Variants in GPC1 observed in about 807,000 individuals in gnomAD.
GPC1 encodes glypican-1.
In GPC1, 26 loss-of-function variants were observed where a neutral mutation model predicts 51.5. The ratio of observed to expected loss-of-function variants is 0.50; its 90% CI spans 0.37 to 0.70. The LOEUF (loss-of-function observed/expected upper bound fraction) is 0.70, where lower values mean the gene tolerates loss of function less well. Ranked by LOEUF, GPC1 falls within the 30% of genes least tolerant of loss-of-function variation. The pLI is 0.00. For synonymous variants in GPC1, 380 were observed against 348.3 expected, an observed-to-expected ratio of 1.09 and a Z score of -1.01; for missense variants, 775 against 800.5, an observed-to-expected ratio of 0.97 and a Z score of 0.38.
chr2:240,462,656 C>A, intron 3 of GPC1, 74 bp downstream of exon 3: 1 of 1,369,004 alleles, frequency 7.3e-7, no homozygotes, highest in Non-Finnish European at 9.8e-7. Flanking sequence ...TTCCTCTTCC[C>A]CCTACTTTAA....
intron 1 of GPC1, chr2:240,450,410 C>G: frequency 2.8e-6 from 1 of 354,298 alleles, no homozygotes; most frequent in South Asian, 2.1e-5. Flanking sequence ...AAGGCTGTTC[C>G]TCGTGCTGGG....
chr2:240,463,978 A>G (rs866288205), intron 4 of GPC1: 8 of 216,250 alleles, frequency 3.7e-5, no homozygotes, highest in South Asian at 1.7e-4. Context: ...GCTGACCCGC[A>G]TCAATGCCAA....
At chr2:240,436,425 T>A (rs2073984779) in intron 1 of GPC1, among the ~76,000 whole-genome samples, 1 of 152,016 alleles carries the variant, frequency 6.6e-6, no homozygotes, top group Non-Finnish European at 1.5e-5. Context: ...GCTGGGCGTC[T>A]TCTGCCCGCC....
chr2:240,459,260 G>A (rs2074197023), intron 2 of GPC1, 72 bp downstream of exon 2: 2 of 1,408,900 alleles, frequency 1.4e-6, no homozygotes, highest in Non-Finnish European at 2.0e-6. Context: ...ACTGGGCCTT[G>A]CCTGGTGTGT....
At chr2:240,450,758 C>A (rs547980929) in intron 1 of GPC1, 1 of 470,002 alleles carries the variant, frequency 2.1e-6, no homozygotes, top group Non-Finnish European at 4.4e-6. Flanking sequence ...AGATTCCCCC[C>A]GACATCATTT....
At chr2:240,451,638 A>C in intron 1 of GPC1, 1 of 222,222 alleles carries the variant, frequency 4.5e-6, no homozygotes. Flanking sequence ...CAGCCAAGAC[A>C]CCGGGTCCTG....
intron 2 of GPC1, 115 bp from the exon 3 acceptor site, chr2:240,462,076 G>A (rs549407357): frequency 3.5e-5 from 37 of 1,047,810 alleles, no homozygotes; most frequent in African/African-American, 4.8e-5. Context: ...GTCCGACTCC[G>A]AGGTCCTCAG....
chr2:240,436,117 C>T, intron 1 of GPC1, 33 bp downstream of exon 1: 1 of 1,244,360 alleles, frequency 8.0e-7, no homozygotes. Context: ...GAACCCGGGC[C>T]TGGCCGGGCT....
intron 1 of GPC1, among the ~76,000 whole-genome samples, 168 bp downstream of exon 1, chr2:240,436,252 G>A (rs1450884036): frequency 6.6e-6 from 1 of 151,916 alleles, no homozygotes; most frequent in East Asian, 1.9e-4. Context: ...CAACCCCACG[G>A]CCCTCGCCTC....
intron 7 of GPC1, 25 bp from the exon 8 acceptor site, chr2:240,465,448 T>A: frequency 1.9e-6 from 3 of 1,609,762 alleles, no homozygotes; most frequent in Non-Finnish European, 2.5e-6. Flanking sequence ...AGCAGTGACC[T>A]GGGCTCTGCC....
intron 1 of GPC1, among the ~76,000 whole-genome samples, chr2:240,446,064 C>T (rs2074048357): frequency 6.6e-6 from 1 of 152,250 alleles, no homozygotes; most frequent in South Asian, 2.1e-4. Flanking sequence ...GGCAACGGGG[C>T]CCACGGCACA....
At position 240,466,725 on chromosome 2, in the gene GPC1, C is replaced by T. The variant is rs533104723; in HGVS notation, c.*435C>T. Reference sequence around the variant, plus strand: ...GAGCCCACCAGCCAGCCCTGGCCCACCCCCCAGCCTCCAGAGAAGCCCCGC... The same window carrying T: ...GAGCCCACCAGCCAGCCCTGGCCCATCCCCCAGCCTCCAGAGAAGCCCCGC... On this transcript the variant is annotated 3_prime_UTR_variant, in exon 9 of 9. Coordinates refer to ENST00000264039, the MANE Select transcript of GPC1 (RefSeq NM_002081.3). The T allele has an allele frequency of 6.3e-4, 106 of 168,306 alleles. No homozygotes were observed. Among genetic ancestry groups the T allele is most frequent in the Middle Eastern group, 2.7e-3 (1 of 364 alleles). 10.4% of individuals were successfully genotyped at this position (168,306 alleles called of 1,614,324 possible).
Position 240,466,426 on chromosome 2 carries a change from C to T in GPC1, c.*136C>T, listed in dbSNP as rs1048118372. 1.2e-5 allele frequency: 7 copies of T among 600,658 alleles called. No homozygotes were observed. The highest frequency in any genetic ancestry group is 3.7e-5 in the African/African-American group (2 of 53,812). 37.2% of individuals were successfully genotyped at this position (600,658 alleles called of 1,614,324 possible). On this transcript the variant is annotated 3_prime_UTR_variant, in exon 9 of 9. Transcript: ENST00000264039. The stretch of plus-strand genomic sequence containing the variant: ...GCCGGCGGCTCTGAGCAGGGGCAGG[C>T]GCAGAGGTCCCAGCCCCAGGCCTGG...
intron 1 of GPC1, chr2:240,449,204 T>TTCCTGCCTCTCCACAGGGC (rs1574761523): frequency 6.5e-6 from 1 of 152,840 alleles, no homozygotes; most frequent in East Asian, 1.9e-4. Flanking sequence ...CTGGACGGGG[T>TTCCTGCCTCTCCACAGGGC]CTGAGACCTG....
chr2:240,454,961 C>G (rs1179779692), intron 1 of GPC1: 1 of 230,350 alleles, frequency 4.3e-6, no homozygotes, highest in Non-Finnish European at 9.6e-6. Context: ...TGCTGATGAC[C>G]AAGAGGAAAC....
At chr2:240,439,365 G>A (rs533937258) in intron 1 of GPC1, among the ~76,000 whole-genome samples, 3 of 152,134 alleles carry the variant, frequency 2.0e-5, no homozygotes, top group Non-Finnish European at 4.4e-5. Flanking sequence ...CCCAGCCTGA[G>A]GCAGAGGAGG....
intron 4 of GPC1, chr2:240,464,208 T>TGG (rs3838590): frequency 1.2e-5 from 3 of 255,152 alleles, no homozygotes; most frequent in Non-Finnish European, 1.6e-5. Context: ...AAGGTGTACA[T>TGG]GGGGGGGGCA....
At chr2:240,450,596 C>A (rs2074089019) in intron 1 of GPC1, 2 of 470,670 alleles carry the variant, frequency 4.2e-6, no homozygotes, top group South Asian at 3.1e-5. Flanking sequence ...CCTCTGGGAA[C>A]AAGGGAGCCC....
chr2:240,457,324 G>GT, intron 1 of GPC1: 5 of 437,168 alleles, frequency 1.1e-5, no homozygotes, highest in Non-Finnish European at 2.5e-5. Flanking sequence ...CAGGCACAGA[G>GT]GCTACAGGGG....
Sources: gnomAD v4.1 joint callset for allele counts (sites outside exome capture counted in the v4.1 genomes callset) on GRCh38, gnomAD v4.1.1 for gene constraint, MANE v1.5 for transcripts, NCBI Gene and HGNC (gene_info 2026-07-23, HGNC 2026-07-21) for gene names.